Variants in PTGER3 observed in about 807,000 individuals in gnomAD.
PTGER3 encodes prostaglandin E2 receptor EP3 subtype.
PTGER3 carries 22 observed loss-of-function variants against 34.7 expected under a neutral mutation model. The ratio of observed to expected loss-of-function variants is 0.63; its 90% confidence interval spans 0.45 to 0.91. The LOEUF (loss-of-function observed/expected upper bound fraction) is 0.91. Among genes scored for constraint, PTGER3 ranks in the 40% least tolerant of loss-of-function variants. The probability of loss-of-function intolerance (pLI) is 0.00; values close to 1 mark genes in which losing one functional copy is unlikely to be tolerated. For synonymous variants in PTGER3, 241 were observed against 230.1 expected (o/e 1.05, Z -0.43); for missense variants, 468 against 519.4 (o/e 0.90, Z 0.96).
At chr1:70,899,119 G>A (rs186450961) in intron 4 of PTGER3, among the ~76,000 whole-genome samples, 1 of 152,272 alleles carries the variant, frequency 6.6e-6, no homozygotes, top group East Asian at 1.9e-4. Context: ...AAATGCTCCA[G>A]GTAGAATCTG....
At chr1:71,002,220 C>T (rs1385203090) in intron 2 of PTGER3, 1 of 152,116 alleles carries the variant, frequency 6.6e-6, no homozygotes, top group Admixed American at 6.6e-5. Context: ...TATGATCACA[C>T]CATGGCACTC....
intron 4 of PTGER3, among the ~76,000 whole-genome samples, chr1:70,910,388 T>G (rs948845570): frequency 6.6e-6 from 1 of 152,162 alleles, no homozygotes; most frequent in Non-Finnish European, 1.5e-5. Flanking sequence ...TGATGGTGTT[T>G]GTGACTTTAT....
At chr1:70,861,409 A>G (rs7530345) in intron 4 of PTGER3, among the ~76,000 whole-genome samples, 88,857 of 152,032 alleles carry the variant, frequency 0.58, 26,322 homozygotes, top group East Asian at 0.82. Flanking sequence ...CAACCTGTAA[A>G]TGTTGACCAC....
chr1:71,042,887 G>A (rs548402950), intron 1 of PTGER3, among the ~76,000 whole-genome samples: 4 of 152,154 alleles, frequency 2.6e-5, no homozygotes, highest in East Asian at 1.9e-4. Context: ...AAAGGCAAAA[G>A]TTTCTAAGGC....
chr1:70,998,863 G>T (rs1387027413), intron 2 of PTGER3, among the ~76,000 whole-genome samples: 3 of 152,158 alleles, frequency 2.0e-5, no homozygotes, highest in Non-Finnish European at 4.4e-5. Flanking sequence ...TTATTATGAT[G>T]ACGGTGGATA....
chr1:70,993,639 G>T (rs1245778524), intron 2 of PTGER3, among the ~76,000 whole-genome samples: 2 of 152,168 alleles, frequency 1.3e-5, no homozygotes, highest in Non-Finnish European at 2.9e-5. Flanking sequence ...GGCTGCTCAG[G>T]TGTGCTTTGG....
At chr1:71,008,598 T>C (rs1445567355) in intron 2 of PTGER3, 10 of 984,816 alleles carry the variant, frequency 1.0e-5, no homozygotes, top group Non-Finnish European at 1.1e-5. Context: ...GGCTCGATCA[T>C]AACCTATGTC....
intron 2 of PTGER3, chr1:71,010,750 T>G (rs765281965): frequency 4.1e-6 from 4 of 985,220 alleles, no homozygotes; most frequent in Non-Finnish European, 4.8e-6. Context: ...ATTAATTACA[T>G]AAGCACTCTC....
At chr1:71,000,315 G>A (rs1414332984) in intron 2 of PTGER3, among the ~76,000 whole-genome samples, 1 of 152,200 alleles carries the variant, frequency 6.6e-6, no homozygotes, top group Non-Finnish European at 1.5e-5. Context: ...TATCTGGAAA[G>A]TGCTGATAAC....
At chr1:71,021,430 G>C (rs537261744) in intron 1 of PTGER3, among the ~76,000 whole-genome samples, 1 of 152,212 alleles carries the variant, frequency 6.6e-6, no homozygotes, top group Admixed American at 6.6e-5. Context: ...GGCTGAAAGG[G>C]GGAAGGCAAA....
At chr1:71,024,708 C>T (rs554080888) in intron 1 of PTGER3, among the ~76,000 whole-genome samples, 203 of 146,816 alleles carry the variant, frequency 1.4e-3, no homozygotes, top group Non-Finnish European at 2.7e-3. Flanking sequence ...GTGCCCGCCA[C>T]CGTGCATAGC....
intron 1 of PTGER3, among the ~76,000 whole-genome samples, chr1:71,040,625 A>G (rs1181552612): frequency 6.6e-6 from 1 of 152,126 alleles, no homozygotes; most frequent in Non-Finnish European, 1.5e-5. Context: ...AAAAAAAAGT[A>G]TTCAGTCAAT....
chr1:70,865,931 G>A, intron 4 of PTGER3: 1 of 635,090 alleles, frequency 1.6e-6, no homozygotes, highest in Non-Finnish European at 2.4e-6. Flanking sequence ...TTCCTGGACT[G>A]TCATCCGGGA....
chr1:71,028,861 A>T (rs1479459256), intron 1 of PTGER3, among the ~76,000 whole-genome samples: 1 of 152,208 alleles, frequency 6.6e-6, no homozygotes, highest in African/African-American at 2.4e-5. Context: ...ATAAAGAAAA[A>T]TATGCACTAT....
chr1:70,877,428 A>G (rs530270052), intron 4 of PTGER3, among the ~76,000 whole-genome samples: 5 of 152,124 alleles, frequency 3.3e-5, no homozygotes, highest in African/African-American at 1.2e-4. Flanking sequence ...TTCTCTTCCT[A>G]TTTGGATGCC....
intron 1 of PTGER3, among the ~76,000 whole-genome samples, chr1:71,032,571 T>C (rs1023507757): frequency 2.6e-5 from 4 of 152,208 alleles, no homozygotes; most frequent in African/African-American, 9.7e-5. Context: ...TGGCTTAGGC[T>C]GGTTCCTTAG....
chr1:70,989,432 T>A (rs1050946778), intron 2 of PTGER3, among the ~76,000 whole-genome samples: 1 of 152,180 alleles, frequency 6.6e-6, no homozygotes, highest in South Asian at 2.1e-4. Flanking sequence ...AAGGGACTCT[T>A]TTTTGCCTGC....
At chr1:71,007,179 C>T in intron 2 of PTGER3, 2 of 985,740 alleles carry the variant, frequency 2.0e-6, no homozygotes, top group African/African-American at 1.7e-5. Context: ...CTGATCTTTA[C>T]AATATGGATT....
rs529636105 is a variant in PTGER3 at position 70,978,107 on chromosome 1, A to C, written c.1078-3719T>G. 3.9e-5 allele frequency among the ~76,000 whole-genome samples: 6 copies of C among 152,280 alleles called. No individual in the cohort carries two copies. The South Asian group carries it at 1.2e-3, about 32-fold the overall frequency. ...ACCTCCAGATGAGTGGCAGAGTTTG[A>C]ATTCAAATGCCAGCAGTCTAGTTCC... is the stretch of plus-strand genomic sequence containing the variant. On this transcript the variant is annotated intron_variant, in intron 2 of 3. Transcript: ENST00000306666.
Sources: gnomAD v4.1 joint callset for allele counts (sites outside exome capture counted in the v4.1 genomes callset) on GRCh38, gnomAD v4.1.1 for gene constraint, MANE v1.5 for transcripts, NCBI Gene and HGNC (gene_info 2026-07-23, HGNC 2026-07-21) for gene names.